ARHGAP26: variants seen among roughly 807,000 people sequenced by gnomAD.
ARHGAP26 encodes rho GTPase-activating protein 26.
Under a neutral mutation model 104.8 loss-of-function variants are expected in ARHGAP26, and 38 were observed. The ratio of observed to expected loss-of-function variants is 0.36; its 90% CI spans 0.28 to 0.48. The LOEUF (loss-of-function observed/expected upper bound fraction) is 0.48, where lower values mean the gene tolerates loss of function less well. Ranked by LOEUF, ARHGAP26 falls within the 20% of genes least tolerant of loss-of-function variation. The probability of loss-of-function intolerance (pLI) is 0.99; values close to 1 mark genes in which losing one functional copy is unlikely to be tolerated. For missense variants in ARHGAP26, 704 were observed against 947.9 expected, an observed-to-expected ratio of 0.74 and a Z score of 3.38; for synonymous variants, 341 against 340.0, an observed-to-expected ratio of 1.00 and a Z score of -0.03.
intron 18 of ARHGAP26, among the ~76,000 whole-genome samples, chr5:143,124,277 A>T (rs567078543): frequency 7.9e-5 from 12 of 152,380 alleles, no homozygotes; most frequent in Non-Finnish European, 1.8e-4. Context: ...GAAGGTGTGG[A>T]AACCTAGGCA....
intron 17 of ARHGAP26, among the ~76,000 whole-genome samples, chr5:143,088,338 G>A (rs1013772665): frequency 3.9e-5 from 6 of 152,080 alleles, no homozygotes; most frequent in East Asian, 3.9e-4. Context: ...GGACATATAC[G>A]GTTGTACTAT....
At chr5:143,031,082 G>T (rs115714515) in intron 12 of ARHGAP26, among the ~76,000 whole-genome samples, 1 of 152,250 alleles carries the variant, frequency 6.6e-6, no homozygotes, top group African/African-American at 2.4e-5. Flanking sequence ...AAAGGCTCCC[G>T]TGCGAAATCC....
intron 1 of ARHGAP26, among the ~76,000 whole-genome samples, chr5:142,801,220 G>A (rs1246233953): frequency 6.6e-6 from 1 of 152,198 alleles, no homozygotes; most frequent in East Asian, 1.9e-4. Flanking sequence ...GGAGCTTTTT[G>A]CATTGTGTTT....
intron 1 of ARHGAP26, among the ~76,000 whole-genome samples, chr5:142,811,614 G>A (rs140063715): frequency 3.4e-4 from 52 of 152,260 alleles, no homozygotes; most frequent in East Asian, 7.7e-4. Flanking sequence ...TCATGCCTTT[G>A]CGGAGCTTAT....
intron 11 of ARHGAP26, among the ~76,000 whole-genome samples, chr5:143,006,402 G>A (rs1777979981): frequency 6.8e-6 from 1 of 146,236 alleles, no homozygotes; most frequent in Non-Finnish European, 1.5e-5. Flanking sequence ...GGCTGGCTAT[G>A]TGCTAGTTAC....
chr5:143,077,398 C>T (rs1399024691), intron 17 of ARHGAP26, among the ~76,000 whole-genome samples: 1 of 152,150 alleles, frequency 6.6e-6, no homozygotes, highest in Non-Finnish European at 1.5e-5. Flanking sequence ...TGATGTTGAA[C>T]CACCCAGAGA....
At chr5:142,922,537 C>T (rs1763344753) in intron 10 of ARHGAP26, among the ~76,000 whole-genome samples, 1 of 152,066 alleles carries the variant, frequency 6.6e-6, no homozygotes, top group African/African-American at 2.4e-5. Context: ...TTCCTTCCTC[C>T]CACCCTTTCA....
rs147792635 is a variant in ARHGAP26, at chr5:143,157,042, A to G, written c.1988+9661A>G. ...TTGACAGAAAAATAGCTCTCAGGCTATGTGATACTGAAGGTGATGGATGAG... is the reference window on the plus strand; with the variant it reads ...TTGACAGAAAAATAGCTCTCAGGCTGTGTGATACTGAAGGTGATGGATGAG... On this transcript the variant is annotated intron_variant, in intron 20 of 22. Transcript: ENST00000645722. Among the ~76,000 whole-genome samples, 85 of 152,332 alleles carry G rather than the reference A, an allele frequency of 5.6e-4. 1 individual carries two copies. Among genetic ancestry groups the G allele is most frequent in the African/African-American group, 2.0e-3 (84 of 41,582 alleles).
rs909883287 is a variant in ARHGAP26, at chr5:143,134,690, G to GT, written c.1837+590dup. Among the ~76,000 whole-genome samples, 8 of 152,264 alleles carry GT rather than the reference G, an allele frequency of 5.3e-5. 1 individual carries two copies. The highest frequency in any genetic ancestry group is 3.3e-4 in the Admixed American group (5 of 15,304). ...TTATCACCACAATTATATCACATCCGTTTTTCATCTCAGGATTTCTGAGTT... is the reference window on the plus strand; with the variant it reads ...TTATCACCACAATTATATCACATCCGTTTTTTCATCTCAGGATTTCTGAGTT... On this transcript the variant is annotated intron_variant, in intron 19 of 22. Transcript: ENST00000645722.
intron 17 of ARHGAP26, among the ~76,000 whole-genome samples, chr5:143,090,777 C>T (rs767692704): frequency 3.3e-5 from 5 of 152,132 alleles, no homozygotes; most frequent in Non-Finnish European, 7.4e-5. Flanking sequence ...TTTAGTGGTC[C>T]GCAGAACATT....
chr5:142,889,750 T>C (rs1301078516), intron 5 of ARHGAP26, among the ~76,000 whole-genome samples: 1 of 152,148 alleles, frequency 6.6e-6, no homozygotes, highest in Non-Finnish European at 1.5e-5. Context: ...AGGAATGAGC[T>C]AATGAAAGGC....
intron 20 of ARHGAP26, among the ~76,000 whole-genome samples, chr5:143,158,164 T>C (rs1159775050): frequency 1.3e-5 from 2 of 152,192 alleles, no homozygotes; most frequent in African/African-American, 4.8e-5. Flanking sequence ...TTGATTTCTT[T>C]CCGTGGTGGC....
In ARHGAP26 at chr5:143,065,722, C is replaced by T. The variant is rs144434066; in HGVS notation, c.1538+7975C>T. 1.6e-3 allele frequency among the ~76,000 whole-genome samples: 248 copies of T among 152,284 alleles called. 1 individual carries two copies. Among genetic ancestry groups the T allele is most frequent in the African/African-American group, 5.6e-3 (232 of 41,548 alleles). On this transcript the variant is annotated intron_variant, in intron 17 of 22. Transcript: ENST00000645722. ...CCGCTGCCCTTCCTGCAAGTGCAGC[C>T]TGGTAGCCTGGAGCCTCATGCCTGC...
chr5:142,797,688 T>A (rs1267608782), intron 1 of ARHGAP26, among the ~76,000 whole-genome samples: 1 of 152,236 alleles, frequency 6.6e-6, no homozygotes, highest in Non-Finnish European at 1.5e-5. Flanking sequence ...TCCATTCTAT[T>A]TAAACCTTAA....
chr5:142,836,890 T>G (rs773049472), intron 1 of ARHGAP26, among the ~76,000 whole-genome samples: 27 of 152,194 alleles, frequency 1.8e-4, no homozygotes, highest in Admixed American at 1.3e-4. Context: ...GACAATTATG[T>G]AACTTGCCTC....
chr5:143,022,288 G>T (rs1380193909), intron 12 of ARHGAP26, among the ~76,000 whole-genome samples: 1 of 152,086 alleles, frequency 6.6e-6, no homozygotes, highest in African/African-American at 2.4e-5. Flanking sequence ...GGCCAGGCTG[G>T]TCTCGGACTC....
chr5:142,906,599 A>G (rs1216655525), intron 8 of ARHGAP26, among the ~76,000 whole-genome samples: 2 of 152,162 alleles, frequency 1.3e-5, no homozygotes, highest in African/African-American at 4.8e-5. Flanking sequence ...TCAGGAGGCT[A>G]TAATTTATAA....
chr5:142,875,749 T>G (rs1755991224), intron 3 of ARHGAP26, among the ~76,000 whole-genome samples: 1 of 152,210 alleles, frequency 6.6e-6, no homozygotes, highest in Admixed American at 6.5e-5. Flanking sequence ...GAATTTATTG[T>G]TCTGGAAGAC....
At chr5:142,783,859 T>C (rs993616206) in intron 1 of ARHGAP26, among the ~76,000 whole-genome samples, 4 of 152,254 alleles carry the variant, frequency 2.6e-5, no homozygotes, top group Non-Finnish European at 4.4e-5. Context: ...AATAAGGTTT[T>C]CTTGCATTTG....
Sources: gnomAD v4.1 joint callset for allele counts (sites outside exome capture counted in the v4.1 genomes callset) on GRCh38, gnomAD v4.1.1 for gene constraint, MANE v1.5 for transcripts, NCBI Gene and HGNC (gene_info 2026-07-23, HGNC 2026-07-21) for gene names.